KCNH5: variants seen among roughly 807,000 people sequenced by gnomAD.
The protein encoded by KCNH5 is voltage-gated delayed rectifier potassium channel KCNH5.
A neutral mutation model predicts 96.1 loss-of-function variants in KCNH5; 46 were observed. The observed-to-expected ratio is 0.48, with a 90% CI of 0.38 to 0.61. KCNH5 has a LOEUF of 0.61. Ranked by LOEUF, KCNH5 falls within the 20% of genes least tolerant of loss-of-function variation. KCNH5 has a pLI of 0.00. For synonymous variants in KCNH5, 439 were observed against 449.8 expected, an observed-to-expected ratio of 0.98 and a Z score of 0.30; for missense variants, 907 against 1,225.8, an observed-to-expected ratio of 0.74 and a Z score of 3.88.
At chr14:63,027,479 G>T (rs1472521573) in intron 1 of KCNH5, among the ~76,000 whole-genome samples, 1 of 126,572 alleles carries the variant, frequency 7.9e-6, no homozygotes. Flanking sequence ...AAGTTGGTTT[G>T]AAAAAAAAAA....
At chr14:62,767,028 T>C (rs1027883419) in intron 10 of KCNH5, among the ~76,000 whole-genome samples, 1 of 152,120 alleles carries the variant, frequency 6.6e-6, no homozygotes, top group Non-Finnish European at 1.5e-5. Context: ...GAACAGATAC[T>C]TTTCAAAAGA....
intron 7 of KCNH5, 64 bp downstream of exon 7, chr14:62,950,069 T>G (rs779817056): frequency 1.8e-5 from 26 of 1,425,792 alleles, no homozygotes; most frequent in Non-Finnish European, 2.4e-5. Flanking sequence ...TCATCCTATC[T>G]GAGATTGTAG....
At chr14:62,752,228 C>T (rs1388827867) in intron 10 of KCNH5, among the ~76,000 whole-genome samples, 3 of 151,940 alleles carry the variant, frequency 2.0e-5, no homozygotes, top group Non-Finnish European at 2.9e-5. Context: ...CCTAGCTGTC[C>T]CCAAAATGTG....
chr14:62,964,231 A>ATTTGTG (rs1175001491), intron 6 of KCNH5, among the ~76,000 whole-genome samples: 1 of 152,080 alleles, frequency 6.6e-6, no homozygotes, highest in African/African-American at 2.4e-5. Context: ...GTTCTAAGGT[A>ATTTGTG]CCACTGTTAT....
intron 9 of KCNH5, among the ~76,000 whole-genome samples, chr14:62,790,259 G>A (rs760704344): frequency 5.3e-5 from 8 of 151,574 alleles, no homozygotes; most frequent in Non-Finnish European, 7.4e-5. Context: ...CTACTGCTCC[G>A]TGTTTCTTTT....
intron 7 of KCNH5, among the ~76,000 whole-genome samples, chr14:62,923,667 C>G (rs1054140138): frequency 6.6e-6 from 1 of 151,788 alleles, no homozygotes; most frequent in South Asian, 2.1e-4. Context: ...TAAACCCACA[C>G]CTGTAAAGTC....
At chr14:62,825,709 C>A (rs1887209031) in intron 8 of KCNH5, among the ~76,000 whole-genome samples, 1 of 151,982 alleles carries the variant, frequency 6.6e-6, no homozygotes, top group South Asian at 2.1e-4. Context: ...GGAAAGGTTT[C>A]TCTTTCTTTC....
At chr14:62,949,245 GTA>G (rs922567251) in intron 7 of KCNH5, among the ~76,000 whole-genome samples, 1 of 152,222 alleles carries the variant, frequency 6.6e-6, no homozygotes, top group African/African-American at 2.4e-5. Flanking sequence ...TGACATGATT[GTA>G]TATCTAGAAA....
intron 8 of KCNH5, among the ~76,000 whole-genome samples, chr14:62,829,476 T>A (rs535838883): frequency 6.6e-6 from 1 of 152,306 alleles, no homozygotes; most frequent in Admixed American, 6.5e-5. Context: ...TTGAGTCTTG[T>A]CTTATGTGCA....
intron 7 of KCNH5, among the ~76,000 whole-genome samples, chr14:62,949,516 TA>T (rs1233711693): frequency 1.3e-5 from 2 of 152,192 alleles, no homozygotes; most frequent in Non-Finnish European, 2.9e-5. Flanking sequence ...TTTGTTCCTT[TA>T]GGGGGTATTC....
intron 8 of KCNH5, among the ~76,000 whole-genome samples, chr14:62,820,671 C>T (rs954363684): frequency 6.6e-6 from 1 of 152,126 alleles, no homozygotes; most frequent in Admixed American, 6.5e-5. Context: ...GACATGATCT[C>T]ATTCTTTTTT....
rs958061664 is a variant in KCNH5, at chr14:62,871,122, T to C, written c.1370-21270A>G. On this transcript the variant is annotated intron_variant, in intron 7 of 10. Coordinates refer to ENST00000322893, the MANE Select transcript of KCNH5 (RefSeq NM_139318.5). ...AACATGTCAAGCTCTTGTCTTCAGATTTTTTGATTGGCTTATTGGGTATTA... is the reference window on the plus strand; with the variant it reads ...AACATGTCAAGCTCTTGTCTTCAGACTTTTTGATTGGCTTATTGGGTATTA... Among the ~76,000 whole-genome samples the C allele has an allele frequency of 2.6e-5, 4 of 152,218 alleles. 1 individual carries two copies. The highest frequency in any genetic ancestry group is 2.6e-4 in the Admixed American group (4 of 15,282).
At position 62,849,816 on chromosome 14, in the gene KCNH5, G is replaced by A; in HGVS notation, c.1406C>T (p.Thr469Ile). The A allele has an allele frequency of 6.2e-7, 1 of 1,613,628 alleles. No homozygotes were observed. The highest frequency in any genetic ancestry group is 8.5e-7 in the Non-Finnish European group (1 of 1,179,684). ...LYATIFGNVTTIFQQMYANTN... is the reference protein window; with the variant it reads ...LYATIFGNVTIIFQQMYANTN... ...GTTGGCATACATTTGCTGGAAAATT[G>A]TTGTAACATTTCCAAAAATAGTTGC... Residue 469 changes from threonine to isoleucine, a missense_variant, in exon 8 of 11, where the codon ACA (threonine) becomes ATA (isoleucine). Thr to Ile is a moderately conservative substitution (Grantham distance 89). Transcript: ENST00000322893.
chr14:62,774,918 A>T (rs893116978), intron 10 of KCNH5, among the ~76,000 whole-genome samples: 1 of 152,218 alleles, frequency 6.6e-6, no homozygotes, highest in Non-Finnish European at 1.5e-5. Context: ...ACCTCTCCTT[A>T]AAAGAATTGC....
At chr14:62,786,020 A>T (rs527662279) in intron 9 of KCNH5, among the ~76,000 whole-genome samples, 2 of 152,154 alleles carry the variant, frequency 1.3e-5, no homozygotes, top group East Asian at 3.9e-4. Flanking sequence ...GTGAAATCCC[A>T]TTTCTACTAA....
rs572231139 is a variant in KCNH5 at position 62,706,387 on chromosome 14, T to C, written c.*1121A>G. The C allele has an allele frequency of 6.6e-6, 1 of 152,210 alleles. No individual in the cohort carries two copies. Among genetic ancestry groups the C allele is most frequent in the African/African-American group, 2.4e-5 (1 of 41,468 alleles). 9.4% of individuals were successfully genotyped at this position (152,210 alleles called of 1,614,324 possible). On this transcript the variant is annotated 3_prime_UTR_variant, in exon 11 of 11. Coordinates refer to ENST00000322893, the MANE Select transcript of KCNH5 (RefSeq NM_139318.5). ...ATGTCTACTTCTTGGTTGGTTGGTT[T>C]GTTTGTTTTACCACATTTCATGTGT... is the stretch of plus-strand genomic sequence containing the variant.
chr14:62,954,996 A>G (rs921554269), intron 6 of KCNH5, among the ~76,000 whole-genome samples: 7 of 152,082 alleles, frequency 4.6e-5, no homozygotes, highest in East Asian at 1.9e-4. Context: ...CTACAATTTA[A>G]GATGAGATTT....
chr14:63,027,425 A>G (rs572422108), intron 1 of KCNH5, among the ~76,000 whole-genome samples: 2 of 151,882 alleles, frequency 1.3e-5, no homozygotes, highest in African/African-American at 2.4e-5. Flanking sequence ...ATGTAGACAT[A>G]TATCAAAGCA....
intron 2 of KCNH5, among the ~76,000 whole-genome samples, chr14:63,012,095 C>T (rs560392016): frequency 6.6e-6 from 1 of 152,286 alleles, no homozygotes; most frequent in South Asian, 2.1e-4. Flanking sequence ...AAGTAAAATG[C>T]TAAAGTGGTT....
Sources: gnomAD v4.1 joint callset for allele counts (sites outside exome capture counted in the v4.1 genomes callset) on GRCh38, gnomAD v4.1.1 for gene constraint, MANE v1.5 for transcripts, NCBI Gene and HGNC (gene_info 2026-07-23, HGNC 2026-07-21) for gene names.